MAP1S: variants seen among roughly 807,000 people sequenced by gnomAD.
MAP1S encodes microtubule-associated protein 1S.
Under a neutral mutation model 60.9 loss-of-function variants are expected in MAP1S, and 27 were observed. The ratio of observed to expected loss-of-function variants is 0.44; its 90% CI spans 0.33 to 0.61. The LOEUF is 0.61. MAP1S is among the 20% of genes least tolerant of loss of function. MAP1S has a pLI of 0.03. For synonymous variants in MAP1S, 826 were observed against 694.2 expected (o/e 1.19, Z -2.98); for missense variants, 1,608 against 1,486.6 (o/e 1.08, Z -1.34).
rs879409951 is a variant in MAP1S, at chr19:17,720,552, A to C, written c.119-384A>C. 53 of 1,439,634 alleles carry C rather than the reference A, an allele frequency of 3.7e-5. No homozygotes were observed. The Admixed American group carries it at 1.2e-3, about 33-fold the overall frequency. The allele number at this position is 1,439,634 out of a possible 1,614,324, so 89.2% of individuals were successfully genotyped here. ...GAGGACAGTCAGTCTTAGCACCCGA[A>C]GGTGCTGAGGGGGAAGGGCCCCCTG... On this transcript the variant is annotated intron_variant, in intron 1 of 6. Transcript: ENST00000324096.
At chr19:17,732,342 C>A (rs556491591) in intron 5 of MAP1S, among the ~76,000 whole-genome samples, 4 of 152,208 alleles carry the variant, frequency 2.6e-5, no homozygotes, top group African/African-American at 9.6e-5. Context: ...AGTACTCTTA[C>A]CCCCTGAGCT....
chr19:17,727,950 A>G lies in MAP1S; in HGVS notation c.2566A>G (p.Thr856Ala), dbSNP rs1288010461. 6.2e-7 allele frequency: 1 copy of G among 1,607,340 alleles called. No individual in the cohort carries two copies. The highest frequency in any genetic ancestry group is 1.3e-5 in the African/African-American group (1 of 74,554). The change falls in exon 5 of 7, where the codon ACG becomes GCG. Residue 856 changes from threonine (T) to alanine (A), a missense_variant. This residue lies in a region of MAP1S where 1,167 missense variants were observed against 961.4 expected (regional missense o/e 1.21). Coordinates refer to ENST00000324096, the MANE Select transcript of MAP1S (RefSeq NM_018174.6). This position sits in a 1 kb window ranked among gnomAD's most constrained non-coding sequence, Gnocchi z 4.1. Reference sequence around the variant, plus strand: ...GCTGCCCCCCAAGACAGCACGGCAAACGGAGAACGTCAGCCGCACCCGGAA... The same window carrying G: ...GCTGCCCCCCAAGACAGCACGGCAAGCGGAGAACGTCAGCCGCACCCGGAA... ...EMLPPKTARQTENVSRTRKPL... is the reference protein window; with the variant it reads ...EMLPPKTARQAENVSRTRKPL...
In MAP1S at chr19:17,734,301, TG is replaced by T; in HGVS notation, c.3055del (p.Ala1019ProfsTer67). 6.2e-7 allele frequency: 1 copy of T among 1,613,210 alleles called. No individual in the cohort carries two copies. Among genetic ancestry groups the T allele is most frequent in the Non-Finnish European group, 8.5e-7 (1 of 1,179,580 alleles). On this transcript the variant is annotated frameshift_variant, in exon 7 of 7. Coordinates refer to ENST00000324096, the MANE Select transcript of MAP1S (RefSeq NM_018174.6). LOFTEE classifies it low-confidence loss of function (END_TRUNC). ...ACCCTGATCCCCACTTTCGACTCGG[TG>T]GCCATGCATACGTGGTACGCAGAGA... ...QVTLIPTFDS[V>X]AMHTWYAETH...
At chr19:17,724,873 T>A (rs2080402940) in intron 3 of MAP1S, among the ~76,000 whole-genome samples, 176 bp from the exon 4 acceptor site, 1 of 152,002 alleles carries the variant, frequency 6.6e-6, no homozygotes, top group African/African-American at 2.4e-5. Flanking sequence ...CTAGGGTTGC[T>A]CCAGGGCCCA....
intron 2 of MAP1S, among the ~76,000 whole-genome samples, chr19:17,723,212 C>T (rs2080386790): frequency 6.6e-6 from 1 of 152,306 alleles, no homozygotes; most frequent in African/African-American, 2.4e-5. Flanking sequence ...CCACGTTCGC[C>T]CTCATTGGCC....
chr19:17,726,219 G>A lies in MAP1S; in HGVS notation c.835G>A (p.Val279Met). 1 of 1,610,714 alleles carries A rather than the reference G, an allele frequency of 6.2e-7. No homozygotes were observed. The highest frequency in any genetic ancestry group is 8.5e-7 in the Non-Finnish European group (1 of 1,178,724). Residue 279 changes from valine (V) to methionine (M), a missense_variant, in exon 5 of 7, where the codon GTG becomes ATG. By Grantham distance (21) the Val-to-Met change is conservative (BLOSUM62 1). Coordinates refer to ENST00000324096, the MANE Select transcript of MAP1S (RefSeq NM_018174.6). ...SNPKSSFWKL[V>M]RHLDRVDAVL... Reference sequence around the variant, plus strand: ...CCCCAAGTCCAGTTTCTGGAAGCTGGTGCGGCACCTGGACCGCGTGGATGC... The same window carrying A: ...CCCCAAGTCCAGTTTCTGGAAGCTGATGCGGCACCTGGACCGCGTGGATGC...
In MAP1S at chr19:17,727,178, C is replaced by T. The variant is rs1224386238; in HGVS notation, c.1794C>T (p.Cys598=). 8 of 1,578,226 alleles carry T rather than the reference C, an allele frequency of 5.1e-6. No individual in the cohort carries two copies. Among genetic ancestry groups the T allele is most frequent in the African/African-American group, 1.4e-5 (1 of 74,012 alleles). ...CGEASPPSAA[C]GSPASQLVAT... ...AAGCCAGCCCCCCCAGTGCAGCCTG[C>T]GGCTCTCCGGCCTCCCAGCTGGTGG... is the stretch of plus-strand genomic sequence containing the variant. Residue 598 remains cysteine (C), a synonymous_variant, in exon 5 of 7, where the codon TGC becomes TGT. Transcript: ENST00000324096. The surrounding 1 kb of genome is among the most constrained non-coding windows in gnomAD (Gnocchi z 4.1).
chr19:17,728,270 A>T, intron 5 of MAP1S, 98 bp downstream of exon 5: 1 of 1,302,112 alleles, frequency 7.7e-7, no homozygotes, highest in East Asian at 2.5e-5. Context: ...TTTTTTTAAA[A>T]GAGATGGTCT....
chr19:17,723,843 A>T (rs544854353), intron 2 of MAP1S, among the ~76,000 whole-genome samples: 41 of 152,286 alleles, frequency 2.7e-4, no homozygotes, highest in African/African-American at 7.9e-4. Context: ...CGACAGAGCG[A>T]GACTCCGTCT....
rs754970414 is a variant in MAP1S, at chr19:17,733,208, G to T, written c.2804G>T (p.Arg935Leu). The change falls in exon 6 of 7, where the codon CGG (arginine) becomes CTG (leucine). Residue 935 changes from arginine (R) to leucine (L), a missense_variant. Physicochemically the swap from Arg to Leu is moderately radical, Grantham distance 102. Coordinates refer to ENST00000324096, the MANE Select transcript of MAP1S (RefSeq NM_018174.6). ...TRGPSGSASS[R>L]PGVSATPPKS... Reference sequence around the variant, plus strand: ...CCGCCCGCAGGGTCAGCCAGCAGCCGGCCCGGGGTGTCAGCCACCCCACCC... The same window carrying T: ...CCGCCCGCAGGGTCAGCCAGCAGCCTGCCCGGGGTGTCAGCCACCCCACCC... The T allele has an allele frequency of 3.3e-6, 5 of 1,522,220 alleles. No individual in the cohort carries two copies. The highest frequency in any genetic ancestry group is 2.0e-5 in the Admixed American group (1 of 49,590). 94.3% of individuals were successfully genotyped at this position (1,522,220 alleles called of 1,614,324 possible).
At chr19:17,720,448 AC>A (rs2145970125) in intron 1 of MAP1S, 1 of 1,533,790 alleles carries the variant, frequency 6.5e-7, no homozygotes, top group East Asian at 2.4e-5. Context: ...TTGGGGATGG[AC>A]CCAAAGCGAG....
intron 5 of MAP1S, among the ~76,000 whole-genome samples, chr19:17,728,387 C>G (rs1443925676): frequency 6.6e-6 from 1 of 152,100 alleles, no homozygotes; most frequent in Non-Finnish European, 1.5e-5. Context: ...GTAGCTGGGA[C>G]TACTGGCACC....
intron 2 of MAP1S, among the ~76,000 whole-genome samples, chr19:17,723,702 T>A (rs2080391393): frequency 1.3e-5 from 2 of 151,812 alleles, no homozygotes; most frequent in African/African-American, 2.4e-5. Flanking sequence ...TACAAAAACT[T>A]AGCCGGGTGT....
intron 6 of MAP1S, 23 bp downstream of exon 6, chr19:17,733,451 T>C: frequency 6.4e-7 from 1 of 1,551,018 alleles, no homozygotes; most frequent in Non-Finnish European, 8.7e-7. Context: ...CCAGGGCCTC[T>C]GGTGGTAAGT....
Position 17,734,289 on chromosome 19 carries a change from C to T in MAP1S, c.3041C>T (p.Thr1014Ile). 2 of 1,613,420 alleles carry T rather than the reference C, an allele frequency of 1.2e-6. No homozygotes were observed. The highest frequency in any genetic ancestry group is 1.7e-6 in the Non-Finnish European group (2 of 1,179,494). ...CACCTGCAGGTGACCCTGATCCCCA[C>T]TTTCGACTCGGTGGCCATGCATACG... ...DRDLQVTLIPTFDSVAMHTWY... is the reference protein window; with the variant it reads ...DRDLQVTLIPIFDSVAMHTWY... Residue 1014 changes from threonine (T) to isoleucine (I), a missense_variant, in exon 7 of 7, where the codon ACT becomes ATT. Thr to Ile is a moderately conservative substitution (Grantham distance 89). This residue lies in a region of MAP1S where 76 missense variants were observed against 110.1 expected (regional missense o/e 0.69). Transcript: ENST00000324096.
At chr19:17,721,281 G>A (rs772078180) in intron 2 of MAP1S, 11 of 520,826 alleles carry the variant, frequency 2.1e-5, no homozygotes, top group Non-Finnish European at 3.9e-5. Flanking sequence ...GGGGGAAGAG[G>A]CAGGGAGATC....
At chr19:17,724,088 G>A (rs1398051301) in intron 2 of MAP1S, 38 bp from the exon 3 acceptor site, 1 of 1,546,030 alleles carries the variant, frequency 6.5e-7, no homozygotes, top group Admixed American at 1.7e-5. Context: ...ACACGGGGAG[G>A]CAGGATTTGA....
At position 17,727,469 on chromosome 19, in the gene MAP1S, C is replaced by G; in HGVS notation, c.2085C>G (p.Asp695Glu). 1.2e-6 allele frequency: 2 copies of G among 1,608,250 alleles called. No individual in the cohort carries two copies. Among genetic ancestry groups the G allele is most frequent in the South Asian group, 1.1e-5 (1 of 90,364 alleles). ...GCTCCCCGCACTCGACCGAGGTGGA[C>G]GAGTCCCTGTCGGTGTCCTTTGAGC... Reference protein sequence around the residue: ...EVGSPHSTEVDESLSVSFEQV... With the variant: ...EVGSPHSTEVEESLSVSFEQV... The change falls in exon 5 of 7, where the codon GAC becomes GAG. Residue 695 changes from aspartate to glutamate, a missense_variant. By Grantham distance (45) the Asp-to-Glu change is conservative (BLOSUM62 2). Around this residue, in one of 4 missense-constraint regions of MAP1S, gnomAD observed 1,167 missense variants for 961.4 expected, o/e 1.21. Coordinates refer to ENST00000324096, the MANE Select transcript of MAP1S (RefSeq NM_018174.6). This position sits in a 1 kb window ranked among gnomAD's most constrained non-coding sequence, Gnocchi z 4.1.
Position 17,726,777 on chromosome 19 carries a change from G to A in MAP1S, c.1393G>A (p.Glu465Lys). ...REPVVTPQDL[E>K]GPGRAESKES... is the part of the protein sequence containing the mutation. ...GCCCGTGGTGACGCCCCAGGACCTG[G>A]AGGGGCCGGGGCGAGCCGAGAGCAA... The change falls in exon 5 of 7, where the codon GAG (glutamate) becomes AAG (lysine). Residue 465 changes from glutamate (E) to lysine (K), a missense_variant. Coordinates refer to ENST00000324096, the MANE Select transcript of MAP1S (RefSeq NM_018174.6). 6.4e-7 allele frequency: 1 copy of A among 1,555,096 alleles called. No individual in the cohort carries two copies. Among genetic ancestry groups the A allele is most frequent in the Non-Finnish European group, 8.7e-7 (1 of 1,152,630 alleles).
Sources: gnomAD v4.1 joint callset for allele counts (sites outside exome capture counted in the v4.1 genomes callset) on GRCh38, gnomAD v4.1.1 for gene constraint, gnomAD v4.1.1 regional missense constraint, Gnocchi (gnomAD v3.1) non-coding constraint, MANE v1.5 for transcripts, NCBI Gene and HGNC (gene_info 2026-07-23, HGNC 2026-07-21) for gene names.